The following FRMD3 variants were observed in gnomAD, a reference collection of about 807,000 sequenced individuals.
FRMD3 encodes FERM domain containing 3, also known as FERM domain-containing protein 3.
FRMD3 carries 33 observed loss-of-function variants against 70.2 expected under a neutral mutation model. The ratio of observed to expected loss-of-function variants is 0.47; its 90% CI spans 0.36 to 0.63. The LOEUF (loss-of-function observed/expected upper bound fraction) is 0.63. Among genes scored for constraint, FRMD3 ranks in the 20% least tolerant of loss-of-function variants. FRMD3 has a pLI of 0.00. For synonymous variants in FRMD3, 279 were observed against 255.9 expected (o/e 1.09, Z -0.86); for missense variants, 632 against 711.4 (o/e 0.89, Z 1.27).
intron 1 of FRMD3, among the ~76,000 whole-genome samples, chr9:83,450,018 T>C (rs575651434): frequency 2.0e-5 from 3 of 152,186 alleles, no homozygotes; most frequent in East Asian, 1.9e-4. Flanking sequence ...ATTCTTCACA[T>C]TGAATGCCCC....
chr9:83,576,708 T>A, the FRMD3 span, among the ~76,000 whole-genome samples: 1 of 152,116 alleles, frequency 6.6e-6, no homozygotes, highest in Non-Finnish European at 1.5e-5. Context: ...GGATGTCCAT[T>A]CTTACCACTT....
chr9:83,348,296 G>A (rs2131179657), intron 4 of FRMD3, among the ~76,000 whole-genome samples: 1 of 152,080 alleles, frequency 6.6e-6, no homozygotes, highest in African/African-American at 2.4e-5. Context: ...TGCCCCCTGG[G>A]TAGTAACAGC....
chr9:83,480,000 T>C (rs1471915528), intron 1 of FRMD3, among the ~76,000 whole-genome samples: 1 of 152,212 alleles, frequency 6.6e-6, no homozygotes, highest in Non-Finnish European at 1.5e-5. Context: ...CTGGTAAGCA[T>C]ATAAATTAGT....
At chr9:83,282,899 G>A (rs1834024027) in intron 13 of FRMD3, among the ~76,000 whole-genome samples, 1 of 152,148 alleles carries the variant, frequency 6.6e-6, no homozygotes, top group Admixed American at 6.5e-5. Context: ...GCAAGATAAG[G>A]TGCACTGAGT....
chr9:83,560,006 G>A, the FRMD3 span, among the ~76,000 whole-genome samples: 2 of 152,046 alleles, frequency 1.3e-5, no homozygotes, highest in African/African-American at 4.8e-5. Context: ...GCATCCCCGT[G>A]TGCTTTACAC....
the FRMD3 span, among the ~76,000 whole-genome samples, chr9:83,571,612 G>A: frequency 6.6e-6 from 1 of 152,222 alleles, no homozygotes; most frequent in East Asian, 1.9e-4. Context: ...CTGGGGCCAA[G>A]GGAGACATCT....
chr9:83,358,810 C>T (rs79188697), intron 3 of FRMD3, among the ~76,000 whole-genome samples: 5,627 of 151,956 alleles, frequency 0.037, 347 homozygotes, highest in African/African-American at 0.13. Flanking sequence ...ACAGTGATGC[C>T]AATGGATTCA....
intron 1 of FRMD3, among the ~76,000 whole-genome samples, chr9:83,516,849 G>C (rs1829465569): frequency 6.6e-6 from 1 of 152,156 alleles, no homozygotes; most frequent in Non-Finnish European, 1.5e-5. Context: ...CATGGGAACT[G>C]AACAACCTGC....
chr9:83,550,687 AGTGTGTGTGT>A, the FRMD3 span, among the ~76,000 whole-genome samples: 2,393 of 138,948 alleles, frequency 0.017, 37 homozygotes, highest in Non-Finnish European at 0.029. Context: ...AGTCCTAGGT[AGTGTGTGTGT>A]GTGTGTGTGT....
At chr9:83,517,306 T>C (rs190187538) in intron 1 of FRMD3, among the ~76,000 whole-genome samples, 54 of 151,802 alleles carry the variant, frequency 3.6e-4, no homozygotes, top group Non-Finnish European at 6.6e-4. Flanking sequence ...ACGGATCCCA[T>C]AGAAATACAA....
chr9:83,443,896 C>T (rs11140091), intron 1 of FRMD3, among the ~76,000 whole-genome samples: 1 of 152,174 alleles, frequency 6.6e-6, no homozygotes, highest in Non-Finnish European at 1.5e-5. Context: ...GCAGGAAACA[C>T]TAGATATTTT....
intron 3 of FRMD3, among the ~76,000 whole-genome samples, chr9:83,360,002 A>G (rs2131220015): frequency 1.3e-5 from 2 of 152,320 alleles, no homozygotes; most frequent in Admixed American, 1.3e-4. Flanking sequence ...GGGTTGAAAG[A>G]GTGAGGGGGC....
intron 13 of FRMD3, among the ~76,000 whole-genome samples, chr9:83,258,075 G>A (rs1832802228): frequency 6.6e-6 from 1 of 152,196 alleles, no homozygotes; most frequent in Non-Finnish European, 1.5e-5. Context: ...TGATGACAGA[G>A]TGCCTGCCAT....
At chr9:83,263,307 T>C (rs898562310) in intron 13 of FRMD3, among the ~76,000 whole-genome samples, 14 of 152,262 alleles carry the variant, frequency 9.2e-5, no homozygotes, top group African/African-American at 3.4e-4. Flanking sequence ...TTGCTGATGA[T>C]GGCATCCTAA....
chr9:83,295,657 G>C (rs1414157654), intron 12 of FRMD3, among the ~76,000 whole-genome samples: 2 of 152,216 alleles, frequency 1.3e-5, no homozygotes, highest in Admixed American at 1.3e-4. Context: ...ACACAGCTAA[G>C]ATTAGAACCC....
At chr9:83,423,585 CTTTTTTTTTTTTTTTTT>C (rs869226126) in intron 1 of FRMD3, among the ~76,000 whole-genome samples, 4 of 60,492 alleles carry the variant, frequency 6.6e-5, no homozygotes, top group African/African-American at 6.9e-5. Flanking sequence ...AGCCCTGTTT[CTTTTTTTTTTTTTTTTT>C]TTTTTTTTTT....
intron 1 of FRMD3, among the ~76,000 whole-genome samples, chr9:83,505,211 C>G (rs986852509): frequency 1.3e-5 from 2 of 152,142 alleles, no homozygotes; most frequent in African/African-American, 4.8e-5. Context: ...AATATCCATT[C>G]TAATGTGAAA....
chr9:83,403,162 C>A (rs532764807), intron 1 of FRMD3, among the ~76,000 whole-genome samples: 7 of 152,134 alleles, frequency 4.6e-5, no homozygotes, highest in Non-Finnish European at 1.0e-4. Flanking sequence ...CCTCAGCCTC[C>A]CAAAGTGCTG....
At position 83,538,289 on chromosome 9, in the gene FRMD3, GC is replaced by G; in HGVS notation, c.-59del. ...CAGGGCCGGCGCGGTGCTCGCCTGC[GC>G]GGACACACACGCTCGCACGCACTGT... On this transcript the variant is annotated 5_prime_UTR_variant, in exon 1 of 14. Transcript: ENST00000304195. The surrounding 1 kb of genome is among the most constrained non-coding windows in gnomAD (Gnocchi z 4.7). 6.6e-7 allele frequency: 1 copy of G among 1,511,240 alleles called. No homozygotes were observed. The highest frequency in any genetic ancestry group is 8.9e-7 in the Non-Finnish European group (1 of 1,125,584). 93.6% of individuals were successfully genotyped at this position (1,511,240 alleles called of 1,614,324 possible). A position where few individuals can be genotyped will look rare whatever the true frequency, so the allele number is the denominator to read the frequency against.
Sources: gnomAD v4.1 joint callset for allele counts (sites outside exome capture counted in the v4.1 genomes callset) on GRCh38, gnomAD v4.1.1 for gene constraint, Gnocchi (gnomAD v3.1) non-coding constraint, MANE v1.5 for transcripts, NCBI Gene and HGNC (gene_info 2026-07-23, HGNC 2026-07-21) for gene names.